The following MICAL2 variants were observed in gnomAD, a reference collection of about 807,000 sequenced individuals.
MICAL2 encodes [F-actin]-monooxygenase MICAL2.
In MICAL2, 77 loss-of-function variants were observed where a neutral mutation model predicts 127.3. The ratio of observed to expected loss-of-function variants is 0.60; its 90% CI spans 0.50 to 0.73. The LOEUF is 0.73. Ranked by LOEUF, MICAL2 falls within the 30% of genes least tolerant of loss-of-function variation. The pLI, the probability that MICAL2 is intolerant of heterozygous loss-of-function variation, is 0.00. For missense variants in MICAL2, 1,351 were observed against 1,434.4 expected (o/e 0.94, Z 0.94); for synonymous variants, 570 against 551.1 (o/e 1.03, Z -0.48).
intron 3 of MICAL2, among the ~76,000 whole-genome samples, chr11:12,203,078 T>C (rs1431159493): frequency 6.6e-6 from 1 of 152,250 alleles, no homozygotes; most frequent in Non-Finnish European, 1.5e-5. Context: ...TTTTTAAGGT[T>C]CATTCATGTA....
chr11:12,220,924 G>A (rs1856744350), intron 9 of MICAL2, among the ~76,000 whole-genome samples: 1 of 152,260 alleles, frequency 6.6e-6, no homozygotes, highest in South Asian at 2.1e-4. Context: ...CTGCAAGGGT[G>A]CAAGGATCCT....
At chr11:12,244,226 G>A in intron 21 of MICAL2, 114 bp downstream of exon 21, 4 of 1,444,456 alleles carry the variant, frequency 2.8e-6, no homozygotes, top group Admixed American at 1.7e-5. Context: ...ATAAAAATTT[G>A]TAAGATATTT....
intron 2 of MICAL2, among the ~76,000 whole-genome samples, chr11:12,139,110 T>C (rs1441887098): frequency 1.3e-5 from 2 of 152,172 alleles, no homozygotes; most frequent in Non-Finnish European, 2.9e-5. Context: ...GACTGAGGCC[T>C]GGCCTGAAGA....
At chr11:12,200,274 T>A (rs944315432) in intron 3 of MICAL2, among the ~76,000 whole-genome samples, 1 of 152,124 alleles carries the variant, frequency 6.6e-6, no homozygotes, top group Non-Finnish European at 1.5e-5. Flanking sequence ...TAAAATCTCA[T>A]TGAGTTTTAA....
At chr11:12,184,523 C>T (rs759996436) in intron 3 of MICAL2, among the ~76,000 whole-genome samples, 1 of 152,224 alleles carries the variant, frequency 6.6e-6, no homozygotes, top group African/African-American at 2.4e-5. Context: ...CCTGAACTGT[C>T]ATCTGTCCCA....
intron 1 of MICAL2, among the ~76,000 whole-genome samples, chr11:12,113,224 T>C (rs747318596): frequency 3.3e-5 from 5 of 152,192 alleles, no homozygotes; most frequent in Admixed American, 6.5e-5. Flanking sequence ...TTAACTGCAT[T>C]TTACAGGTGA....
Position 12,242,673 on chromosome 11 carries a change from GA to G in MICAL2, c.2560del (p.Arg854GlyfsTer90). ...CTCCTTTCTCACCTTCACTGCAGAA[GA>G]GGGCTCAGAACTTGGCCAACAGGGA... is the stretch of plus-strand genomic sequence containing the variant. ...QQVEEKILQK[R>X]AQNLANREFH... On this transcript the variant is annotated frameshift_variant, in exon 20 of 28. Transcript: ENST00000683283. LOFTEE classifies it high-confidence loss of function. 1 of 1,612,298 alleles carries G rather than the reference GA, an allele frequency of 6.2e-7. No homozygotes were observed. The highest frequency in any genetic ancestry group is 8.5e-7 in the Non-Finnish European group (1 of 1,179,004).
intron 3 of MICAL2, among the ~76,000 whole-genome samples, chr11:12,181,352 T>C (rs1183067125): frequency 2.0e-5 from 3 of 152,244 alleles, no homozygotes; most frequent in African/African-American, 7.2e-5. Context: ...CCTTTGTTTA[T>C]TAGAAATTCT....
intron 3 of MICAL2, among the ~76,000 whole-genome samples, chr11:12,162,631 G>A (rs903418816): frequency 6.6e-6 from 1 of 152,228 alleles, no homozygotes; most frequent in Non-Finnish European, 1.5e-5. Context: ...CCAAGGGAGG[G>A]AAGCCAGAGG....
intron 33 of MICAL2, among the ~76,000 whole-genome samples, chr11:12,354,306 G>A (rs1939096698): frequency 6.6e-6 from 1 of 152,182 alleles, no homozygotes; most frequent in African/African-American, 2.4e-5. Context: ...GTGAAACCCT[G>A]TCTCTACTAA....
At chr11:12,245,924 G>C (rs1218426055) in intron 21 of MICAL2, among the ~76,000 whole-genome samples, 3 of 152,224 alleles carry the variant, frequency 2.0e-5, no homozygotes, top group Non-Finnish European at 4.4e-5. Flanking sequence ...CCAGGCAGTG[G>C]CTTGTGCCCA....
At chr11:12,189,666 C>A (rs192798469) in intron 3 of MICAL2, among the ~76,000 whole-genome samples, 1 of 152,216 alleles carries the variant, frequency 6.6e-6, no homozygotes, top group African/African-American at 2.4e-5. Flanking sequence ...AGGGTTACAG[C>A]GATGATGCAT....
intron 33 of MICAL2, among the ~76,000 whole-genome samples, chr11:12,350,799 C>T (rs1939031313): frequency 6.6e-6 from 1 of 152,170 alleles, no homozygotes; most frequent in African/African-American, 2.4e-5. Context: ...GCTGCAATAA[C>T]AAATTGCCAC....
rs537666054 is a variant in MICAL2 at position 12,257,949 on chromosome 11, C to T, written c.3143-519C>T. On this transcript the variant is annotated intron_variant, in intron 24 of 27. Coordinates refer to ENST00000683283, the MANE Select transcript of MICAL2 (RefSeq NM_001282663.2). The stretch of plus-strand genomic sequence containing the variant: ...CCATTTGCTCTCAGCATTTCCCACC[C>T]GCCAGGTATTCCACAAAGAAAGACT... 2.0e-4 allele frequency among the ~76,000 whole-genome samples: 30 copies of T among 152,320 alleles called. No homozygotes were observed. The South Asian group carries it at 3.3e-3, about 17-fold the overall frequency.
At chr11:12,135,374 G>T (rs776185312) in intron 1 of MICAL2, among the ~76,000 whole-genome samples, 1 of 152,060 alleles carries the variant, frequency 6.6e-6, no homozygotes, top group Non-Finnish European at 1.5e-5. Flanking sequence ...TAAGCAATTT[G>T]CCCAAAGTCA....
intron 1 of MICAL2, among the ~76,000 whole-genome samples, chr11:12,279,448 A>T (rs1863750381): frequency 6.6e-6 from 1 of 152,194 alleles, no homozygotes; most frequent in South Asian, 2.1e-4. Flanking sequence ...CAGGTGATTC[A>T]TTCTGATGCC....
chr11:12,361,010 A>T (rs1356859266), downstream of MICAL2, among the ~76,000 whole-genome samples: 2 of 152,216 alleles, frequency 1.3e-5, no homozygotes, highest in East Asian at 3.8e-4. Context: ...TTTTGAAGAC[A>T]GTTTCTTTGT....
At chr11:12,190,540 C>G (rs1335895811) in intron 3 of MICAL2, among the ~76,000 whole-genome samples, 1 of 152,174 alleles carries the variant, frequency 6.6e-6, no homozygotes, top group South Asian at 2.1e-4. Context: ...TCCTTTTCTC[C>G]CCTGACCCCA....
At chr11:12,261,754 G>A in intron 26 of MICAL2, 3 of 985,406 alleles carry the variant, frequency 3.0e-6, no homozygotes, top group South Asian at 4.7e-5. Context: ...GCATGGCCGT[G>A]GCCAACTCTG....
Sources: allele counts gnomAD v4.1 joint callset (sites outside exome capture counted in the v4.1 genomes callset), GRCh38; gene constraint gnomAD v4.1.1; transcripts MANE v1.5; gene names NCBI Gene and HGNC (gene_info 2026-07-23, HGNC 2026-07-21).